ITGB6: variants seen among roughly 807,000 people sequenced by gnomAD.
The protein encoded by ITGB6 is integrin subunit beta 6.
A neutral mutation model predicts 84.5 loss-of-function variants in ITGB6; 80 were observed. The ratio of observed to expected loss-of-function variants is 0.95; its 90% CI spans 0.79 to 1.14. The LOEUF is 1.14. ITGB6 is among the 50% of genes most tolerant of loss of function. The pLI, the probability that ITGB6 is intolerant of heterozygous loss-of-function variation, is 0.00. For synonymous variants in ITGB6, 383 were observed against 354.9 expected, an observed-to-expected ratio of 1.08 and a Z score of -0.89; for missense variants, 1,006 against 968.0, an observed-to-expected ratio of 1.04 and a Z score of -0.52.
chr2:160,118,693 G>C (rs1017562000), intron 12 of ITGB6, among the ~76,000 whole-genome samples: 1 of 151,356 alleles, frequency 6.6e-6, no homozygotes, highest in Non-Finnish European at 1.5e-5. Context: ...GGAAATAAAG[G>C]GTATTCAATT....
intron 7 of ITGB6, among the ~76,000 whole-genome samples, chr2:160,157,942 T>A (rs979463267): frequency 1.3e-5 from 2 of 152,070 alleles, no homozygotes; most frequent in African/African-American, 4.8e-5. Context: ...TTCATTCTTG[T>A]GGGGTTTTAT....
intron 14 of ITGB6, among the ~76,000 whole-genome samples, chr2:160,102,724 G>A (rs1055022653): frequency 1.5e-4 from 23 of 152,292 alleles, no homozygotes; most frequent in Admixed American, 4.6e-4. Flanking sequence ...GTTCCAGGCC[G>A]GAGGAAGGTG....
chr2:160,157,922 C>G (rs372034023), intron 7 of ITGB6, among the ~76,000 whole-genome samples: 2 of 152,034 alleles, frequency 1.3e-5, no homozygotes. Flanking sequence ...GCTTTCTTCC[C>G]GTGAGGTCTT....
chr2:160,162,244 A>C (rs572881647), intron 7 of ITGB6, among the ~76,000 whole-genome samples: 2 of 152,222 alleles, frequency 1.3e-5, no homozygotes, highest in Non-Finnish European at 2.9e-5. Flanking sequence ...AGAAAATATA[A>C]TAAAAAACCC....
At chr2:160,147,330 T>A (rs1214565133) in intron 7 of ITGB6, among the ~76,000 whole-genome samples, 1 of 152,144 alleles carries the variant, frequency 6.6e-6, no homozygotes, top group Non-Finnish European at 1.5e-5. Flanking sequence ...AGCCTTATGG[T>A]TAACAAGAAT....
At chr2:160,129,445 TG>T (rs1253496236) in intron 10 of ITGB6, among the ~76,000 whole-genome samples, 1 of 151,636 alleles carries the variant, frequency 6.6e-6, no homozygotes, top group African/African-American at 2.4e-5. Context: ...TCCCAAGTTT[TG>T]CTCTTCCAGC....
intron 7 of ITGB6, among the ~76,000 whole-genome samples, chr2:160,154,388 A>G (rs1684545224): frequency 6.9e-6 from 1 of 144,664 alleles, no homozygotes; most frequent in Admixed American, 7.2e-5. Flanking sequence ...AACAATGAGA[A>G]CTCTTGGACC....
chr2:160,109,883 A>C (rs1204935596), intron 13 of ITGB6, among the ~76,000 whole-genome samples: 1 of 152,208 alleles, frequency 6.6e-6, no homozygotes, highest in Non-Finnish European at 1.5e-5. Context: ...GGTGAAATAC[A>C]CACTGATTTT....
chr2:160,118,638 A>T (rs200808655), intron 12 of ITGB6, among the ~76,000 whole-genome samples: 1 of 151,588 alleles, frequency 6.6e-6, no homozygotes, highest in Non-Finnish European at 1.5e-5. Context: ...CACTCCTGTT[A>T]AACATAGTGT....
chr2:160,113,859 CT>C (rs1174593298), intron 12 of ITGB6, among the ~76,000 whole-genome samples: 13 of 152,318 alleles, frequency 8.5e-5, no homozygotes, highest in African/African-American at 2.9e-4. Flanking sequence ...CTCCTGTTCA[CT>C]TGCCCCTCCA....
chr2:160,122,457 T>C (rs1683081106), intron 12 of ITGB6, among the ~76,000 whole-genome samples: 1 of 152,192 alleles, frequency 6.6e-6, no homozygotes, highest in African/African-American at 2.4e-5. Flanking sequence ...GAGCATTTTC[T>C]GCAATTTTTA....
chr2:160,117,891 A>C (rs543443766), intron 12 of ITGB6, among the ~76,000 whole-genome samples: 3 of 152,360 alleles, frequency 2.0e-5, no homozygotes, highest in African/African-American at 7.2e-5. Flanking sequence ...AAACACCTCT[A>C]TGCAAATAAA....
chr2:160,119,374 T>C (rs1308148303), intron 12 of ITGB6, among the ~76,000 whole-genome samples: 1 of 152,084 alleles, frequency 6.6e-6, no homozygotes, highest in Non-Finnish European at 1.5e-5. Flanking sequence ...TATCTACAAC[T>C]ATCTGATCTT....
chr2:160,107,293 A>G (rs531062144), intron 14 of ITGB6, among the ~76,000 whole-genome samples: 1 of 152,326 alleles, frequency 6.6e-6, no homozygotes, highest in South Asian at 2.1e-4. Context: ...TATTCCATTC[A>G]TTATAACATA....
chr2:160,110,518 G>A (rs1682450794), intron 13 of ITGB6, among the ~76,000 whole-genome samples: 1 of 152,166 alleles, frequency 6.6e-6, no homozygotes, highest in South Asian at 2.1e-4. Context: ...ATCTACCCTA[G>A]CTGGTACTTT....
intron 10 of ITGB6, among the ~76,000 whole-genome samples, chr2:160,135,177 T>A (rs1334687743): frequency 6.7e-6 from 1 of 150,028 alleles, no homozygotes; most frequent in African/African-American, 2.4e-5. Context: ...GCCCAAAATC[T>A]CCTTAAGCTG....
intron 7 of ITGB6, among the ~76,000 whole-genome samples, chr2:160,143,525 A>T (rs540476682): frequency 6.6e-6 from 1 of 152,126 alleles, no homozygotes; most frequent in East Asian, 1.9e-4. Context: ...TAGGTTTTCT[A>T]TACTGTACTA....
At chr2:160,143,535 A>G (rs561914440) in intron 7 of ITGB6, among the ~76,000 whole-genome samples, 1 of 152,284 alleles carries the variant, frequency 6.6e-6, no homozygotes, top group South Asian at 2.1e-4. Flanking sequence ...ATACTGTACT[A>G]TGTCAACAAC....
chr2:160,136,633 A>G (rs1407430386), intron 10 of ITGB6, among the ~76,000 whole-genome samples: 3 of 152,248 alleles, frequency 2.0e-5, no homozygotes, highest in Non-Finnish European at 4.4e-5. Context: ...TCACAATAGC[A>G]AAGACTTGGA....
Sources: gnomAD v4.1 joint callset for allele counts (sites outside exome capture counted in the v4.1 genomes callset) on GRCh38, gnomAD v4.1.1 for gene constraint, MANE v1.5 for transcripts, NCBI Gene and HGNC (gene_info 2026-07-23, HGNC 2026-07-21) for gene names.